Variants in CTNNA2 observed in about 807,000 individuals in gnomAD.
CTNNA2 encodes the protein catenin alpha-2.
A neutral mutation model predicts 101.0 loss-of-function variants in CTNNA2; 42 were observed. The observed-to-expected ratio is 0.42, with a 90% confidence interval of 0.32 to 0.54. The LOEUF is 0.54. Ranked by LOEUF, CTNNA2 falls within the 20% of genes least tolerant of loss-of-function variation. CTNNA2 has a pLI of 0.14. For synonymous variants in CTNNA2, 450 were observed against 456.4 expected, an observed-to-expected ratio of 0.99 and a Z score of 0.18; for missense variants, 871 against 1,223.1, an observed-to-expected ratio of 0.71 and a Z score of 4.29.
chr2:80,269,804 T>C (rs1270926452), intron 7 of CTNNA2, among the ~76,000 whole-genome samples: 1 of 152,208 alleles, frequency 6.6e-6, no homozygotes, highest in East Asian at 1.9e-4. Context: ...AGTACTAATA[T>C]ATTACAATTA....
At chr2:79,891,455 G>A (rs1203090797) in intron 6 of CTNNA2, among the ~76,000 whole-genome samples, 2 of 152,134 alleles carry the variant, frequency 1.3e-5, no homozygotes, top group Non-Finnish European at 2.9e-5. Context: ...AAACATCACT[G>A]ACCAAATACA....
intron 2 of CTNNA2, among the ~76,000 whole-genome samples, chr2:79,688,404 A>G (rs1684079930): frequency 6.6e-6 from 1 of 152,036 alleles, no homozygotes; most frequent in Admixed American, 6.6e-5. Context: ...GCAACAAATA[A>G]AGAGATATTA....
At chr2:80,306,547 A>G (rs201727494) in intron 7 of CTNNA2, among the ~76,000 whole-genome samples, 1 of 151,254 alleles carries the variant, frequency 6.6e-6, no homozygotes, top group Non-Finnish European at 1.5e-5. Flanking sequence ...AGGCATTTGC[A>G]TGTTTCATCC....
At chr2:80,545,885 C>T (rs1039416420) in intron 10 of CTNNA2, 22 bp from the exon 11 acceptor site, 1 of 1,611,030 alleles carries the variant, frequency 6.2e-7, no homozygotes, top group Admixed American at 1.7e-5. Context: ...CATCATGTCC[C>T]TGGATTGTTT....
chr2:79,729,568 A>G (rs2104911541), intron 2 of CTNNA2, among the ~76,000 whole-genome samples: 1 of 152,280 alleles, frequency 6.6e-6, no homozygotes, highest in East Asian at 1.9e-4. Flanking sequence ...AAAAAGAAAT[A>G]ATATCCTGAA....
intron 2 of CTNNA2, among the ~76,000 whole-genome samples, chr2:79,693,383 C>G (rs1478055938): frequency 1.3e-5 from 2 of 151,816 alleles, no homozygotes; most frequent in East Asian, 3.9e-4. Flanking sequence ...GTTTATGTCC[C>G]TAATACCTAG....
chr2:80,242,532 T>A (rs6753659), intron 7 of CTNNA2, among the ~76,000 whole-genome samples: 16,782 of 152,132 alleles, frequency 0.11, 2,102 homozygotes, highest in African/African-American at 0.31. Flanking sequence ...CTTTGAGCAT[T>A]AAAAATAGCC....
chr2:79,451,560 A>G (rs1371685597), intron 4 of CTNNA2, among the ~76,000 whole-genome samples: 1 of 151,938 alleles, frequency 6.6e-6, no homozygotes, highest in Non-Finnish European at 1.5e-5. Context: ...AAGAGACTGG[A>G]GTTAAAAAAA....
chr2:79,734,765 A>G (rs1670749053), intron 2 of CTNNA2, among the ~76,000 whole-genome samples: 1 of 152,156 alleles, frequency 6.6e-6, no homozygotes, highest in South Asian at 2.1e-4. Flanking sequence ...AGTCAGTACA[A>G]AAAGGAAAAG....
At chr2:79,288,611 C>T (rs1675694087) in intron 2 of CTNNA2, among the ~76,000 whole-genome samples, 1 of 152,188 alleles carries the variant, frequency 6.6e-6, no homozygotes, top group African/African-American at 2.4e-5. Context: ...TTCTTTCTCT[C>T]TCTCCACATG....
intron 7 of CTNNA2, among the ~76,000 whole-genome samples, chr2:80,139,515 A>G (rs188978786): frequency 4.3e-4 from 66 of 152,186 alleles, no homozygotes; most frequent in African/African-American, 1.6e-3. Context: ...GGAGAATGCA[A>G]AGGCTACAGT....
chr2:80,341,742 A>G (rs1286950547), intron 7 of CTNNA2, among the ~76,000 whole-genome samples: 2 of 152,182 alleles, frequency 1.3e-5, no homozygotes, highest in African/African-American at 4.8e-5. Context: ...TTACCATATG[A>G]TCCAGTAATT....
Position 79,331,733 on chromosome 2 carries a change from A to T in CTNNA2, c.-318+18937A>T, listed in dbSNP as rs577604350. On this transcript the variant is annotated intron_variant, in intron 3 of 21. Coordinates refer to the CTNNA2 transcript ENST00000466387. Reference sequence around the variant, plus strand: ...ATTCCAGGCTGTAGAGAAATTTTTCAATTTCATCCACAACCCTACATATAA... The same window carrying T: ...ATTCCAGGCTGTAGAGAAATTTTTCTATTTCATCCACAACCCTACATATAA... Among the ~76,000 whole-genome samples, 10 of 152,292 alleles carry T rather than the reference A, an allele frequency of 6.6e-5. No homozygotes were observed. In the South Asian group the frequency reaches 2.1e-3, roughly 32 times the overall value.
intron 1 of CTNNA2, among the ~76,000 whole-genome samples, chr2:79,649,622 A>G (rs573945159): frequency 3.3e-5 from 5 of 152,294 alleles, no homozygotes; most frequent in South Asian, 2.1e-4. Flanking sequence ...GAGCTGCTCT[A>G]TGGCAGTTGG....
chr2:79,897,323 T>A (rs1435589106), intron 6 of CTNNA2, among the ~76,000 whole-genome samples: 1 of 107,742 alleles, frequency 9.3e-6, no homozygotes, highest in African/African-American at 4.0e-5. Context: ...TAGGAAAATA[T>A]GCTTTACCGA....
At chr2:79,218,625 T>C (rs1380868701) in intron 2 of CTNNA2, among the ~76,000 whole-genome samples, 1 of 152,170 alleles carries the variant, frequency 6.6e-6, no homozygotes, top group East Asian at 1.9e-4. Flanking sequence ...GCATGGAGAA[T>C]GGAACACTGG....
intron 1 of CTNNA2, among the ~76,000 whole-genome samples, chr2:79,192,009 C>T (rs1673880669): frequency 6.6e-6 from 1 of 151,984 alleles, no homozygotes; most frequent in African/African-American, 2.4e-5. Flanking sequence ...GTCAAAACCA[C>T]AAAAGGGGAG....
At chr2:80,350,412 C>G (rs536640088) in intron 7 of CTNNA2, among the ~76,000 whole-genome samples, 90 of 152,250 alleles carry the variant, frequency 5.9e-4, no homozygotes, top group African/African-American at 2.1e-3. Flanking sequence ...ATCATTTGTT[C>G]AGATTTCTTA....
chr2:80,138,125 A>C (rs948704725), intron 7 of CTNNA2, among the ~76,000 whole-genome samples: 10 of 152,184 alleles, frequency 6.6e-5, no homozygotes, highest in African/African-American at 2.4e-4. Flanking sequence ...AAATCCATAA[A>C]TATCTTGTAT....
Sources: allele counts gnomAD v4.1 joint callset (sites outside exome capture counted in the v4.1 genomes callset), GRCh38; gene constraint gnomAD v4.1.1; transcripts MANE v1.5; gene names NCBI Gene and HGNC (gene_info 2026-07-23, HGNC 2026-07-21).